LYN: variants seen among roughly 807,000 people sequenced by gnomAD.
The protein encoded by LYN is tyrosine-protein kinase Lyn.
Under a neutral mutation model 65.0 loss-of-function variants are expected in LYN, and 12 were observed. The observed-to-expected ratio is 0.18, with a 90% CI of 0.12 to 0.30. The LOEUF (loss-of-function observed/expected upper bound fraction) is 0.30. Ranked by LOEUF, LYN falls within the 10% of genes least tolerant of loss-of-function variation. LYN has a pLI of 1.00. For synonymous variants in LYN, 222 were observed against 221.2 expected, an observed-to-expected ratio of 1.00 and a Z score of -0.03; for missense variants, 380 against 623.2, an observed-to-expected ratio of 0.61 and a Z score of 4.16.
At chr8:55,966,977 A>T in intron 9 of LYN, 80 bp downstream of exon 9, 1 of 1,328,398 alleles carries the variant, frequency 7.5e-7, no homozygotes, top group South Asian at 1.4e-5. Flanking sequence ...GAGGTCACTC[A>T]ACTAGTTTAA....
At chr8:55,895,021 C>G (rs148018491) in intron 1 of LYN, among the ~76,000 whole-genome samples, 4,463 of 152,096 alleles carry the variant, frequency 0.029, 222 homozygotes, top group African/African-American at 0.1. Flanking sequence ...ACTATGTTGC[C>G]CAGGCTGGTC....
At chr8:55,966,024 C>G (rs1046712009) in intron 8 of LYN, among the ~76,000 whole-genome samples, 4 of 152,028 alleles carry the variant, frequency 2.6e-5, no homozygotes, top group African/African-American at 9.7e-5. Flanking sequence ...ACTCAGGAGG[C>G]TCAGGCATAA....
intron 2 of LYN, among the ~76,000 whole-genome samples, 162 bp downstream of exon 2, chr8:55,942,153 T>C (rs745604407): frequency 8.6e-5 from 13 of 152,036 alleles, no homozygotes; most frequent in Non-Finnish European, 1.5e-4. Context: ...TTGAAGAATG[T>C]ATAAATATTT....
At chr8:55,960,300 G>A (rs1029222043) in intron 8 of LYN, among the ~76,000 whole-genome samples, 4 of 152,044 alleles carry the variant, frequency 2.6e-5, no homozygotes, top group Non-Finnish European at 5.9e-5. Context: ...CCAGGATATT[G>A]GCATTGATCA....
intron 1 of LYN, among the ~76,000 whole-genome samples, chr8:55,901,777 G>A (rs868587152): frequency 3.3e-5 from 5 of 152,202 alleles, no homozygotes; most frequent in South Asian, 4.1e-4. Flanking sequence ...GCTAGGAACC[G>A]GCTCCCAGCT....
intron 1 of LYN, among the ~76,000 whole-genome samples, chr8:55,938,736 A>C (rs1307562848): frequency 6.6e-6 from 1 of 152,192 alleles, no homozygotes. Flanking sequence ...TTTGTTTGGC[A>C]TTGTTAATAA....
At chr8:55,887,930 G>T (rs1286561285) in intron 1 of LYN, among the ~76,000 whole-genome samples, 2 of 152,068 alleles carry the variant, frequency 1.3e-5, no homozygotes, top group Non-Finnish European at 2.9e-5. Context: ...TTTTAAAACG[G>T]CAGGATATAA....
At chr8:55,931,414 G>A (rs1044940134) in intron 1 of LYN, among the ~76,000 whole-genome samples, 3 of 150,166 alleles carry the variant, frequency 2.0e-5, no homozygotes, top group Non-Finnish European at 4.4e-5. Context: ...AAACCTAAGG[G>A]CCTCGAAACT....
rs182851762 is a variant in LYN at position 56,003,540 on chromosome 8, C to T, written c.1336+3991C>T. Among the ~76,000 whole-genome samples the T allele has an allele frequency of 5.8e-4, 88 of 152,086 alleles. 2 individuals are homozygous for T. Among genetic ancestry groups the T allele is most frequent in the African/African-American group, 1.7e-3 (71 of 41,520 alleles). ...AAAATTAGCCCGGCGTGGTGGCCAA[C>T]GCCTGTAATCCTAGCTACTTGAGAG... On this transcript the variant is annotated intron_variant, in intron 12 of 12. Coordinates refer to ENST00000519728, the MANE Select transcript of LYN (RefSeq NM_002350.4).
At chr8:56,004,885 A>G (rs2130595917) in intron 12 of LYN, among the ~76,000 whole-genome samples, 1 of 152,134 alleles carries the variant, frequency 6.6e-6, no homozygotes, top group Non-Finnish European at 1.5e-5. Flanking sequence ...CCTGGGCTCA[A>G]GTGATCCTCT....
intron 1 of LYN, among the ~76,000 whole-genome samples, chr8:55,885,410 A>C (rs1380190612): frequency 2.6e-5 from 4 of 152,110 alleles, no homozygotes; most frequent in Non-Finnish European, 5.9e-5. Context: ...TGAGCATCTG[A>C]AATCTTGCTC....
intron 1 of LYN, among the ~76,000 whole-genome samples, chr8:55,905,610 G>A (rs1287931513): frequency 6.6e-6 from 1 of 152,120 alleles, no homozygotes; most frequent in African/African-American, 2.4e-5. Flanking sequence ...AACCACAAAT[G>A]TCCCAGTTAA....
intron 10 of LYN, among the ~76,000 whole-genome samples, chr8:55,976,049 A>G (rs1369503911): frequency 6.6e-6 from 1 of 152,124 alleles, no homozygotes; most frequent in Admixed American, 6.5e-5. Flanking sequence ...AAGTCACAAA[A>G]TGCTATTCTC....
rs570853747 is a variant in LYN at position 55,917,006 on chromosome 8, G to A, written c.-5-24849G>A. ...ACCCTGGCCAACACGGTGAAACCCC[G>A]TCTCTACTAAAAATACAAAAATTAG... On this transcript the variant is annotated intron_variant, in intron 1 of 12. Transcript: ENST00000519728. Among the ~76,000 whole-genome samples, 602 of 151,870 alleles carry A rather than the reference G, an allele frequency of 4.0e-3. 6 individuals carry two copies. Among genetic ancestry groups the A allele is most frequent in the Non-Finnish European group, 7.2e-3 (487 of 67,942 alleles).
chr8:56,011,053 T>C lies in LYN; in HGVS notation c.*943T>C, dbSNP rs1169916809. The C allele has an allele frequency of 4.3e-6, 1 of 231,870 alleles. No individual in the cohort carries two copies. Among genetic ancestry groups the C allele is most frequent in the Non-Finnish European group, 8.5e-6 (1 of 117,348 alleles). 14.4% of individuals were successfully genotyped at this position (231,870 alleles called of 1,614,324 possible). ...TGTTGCTTCAAATATTTGAACATTA[T>C]GTTAAAGATCAAGTATTAATTTTAG... On this transcript the variant is annotated 3_prime_UTR_variant, in exon 13 of 13. Transcript: ENST00000519728.
At chr8:55,909,725 T>A (rs1156281998) in intron 1 of LYN, among the ~76,000 whole-genome samples, 1 of 152,226 alleles carries the variant, frequency 6.6e-6, no homozygotes, top group Non-Finnish European at 1.5e-5. Context: ...CAATAGTGTA[T>A]AAGCATTGCC....
intron 12 of LYN, among the ~76,000 whole-genome samples, chr8:56,003,558 C>T (rs573142268): frequency 7.2e-5 from 11 of 151,918 alleles, no homozygotes; most frequent in Admixed American, 4.6e-4. Flanking sequence ...ATCCTAGCTA[C>T]TTGAGAGGCT....
intron 1 of LYN, among the ~76,000 whole-genome samples, chr8:55,921,947 C>T (rs1805958487): frequency 6.6e-6 from 1 of 152,168 alleles, no homozygotes; most frequent in South Asian, 2.1e-4. Context: ...GCAAAACTGA[C>T]AGGAATCCCT....
At chr8:55,981,245 C>T (rs537432410) in intron 10 of LYN, among the ~76,000 whole-genome samples, 8 of 152,324 alleles carry the variant, frequency 5.3e-5, no homozygotes, top group African/African-American at 1.4e-4. Flanking sequence ...CCAACTCCTG[C>T]TTACTCCATT....
Sources: gnomAD v4.1 joint callset for allele counts (sites outside exome capture counted in the v4.1 genomes callset) on GRCh38, gnomAD v4.1.1 for gene constraint, MANE v1.5 for transcripts, NCBI Gene and HGNC (gene_info 2026-07-23, HGNC 2026-07-21) for gene names.